The following TBC1D32 variants were observed in gnomAD, a reference collection of about 807,000 sequenced individuals.
The protein encoded by TBC1D32 is TBC1 domain family member 32.
TBC1D32 carries 151 observed loss-of-function variants against 170.3 expected under a neutral mutation model. That is an observed-to-expected ratio of 0.89 (90% CI 0.78 to 1.01). The LOEUF (loss-of-function observed/expected upper bound fraction) is 1.01. Ranked by LOEUF, TBC1D32 falls within the 50% of genes least tolerant of loss-of-function variation. The pLI is 0.00. For missense variants in TBC1D32, 1,464 were observed against 1,457.1 expected (o/e 1.00, Z -0.08); for synonymous variants, 498 against 488.0 (o/e 1.02, Z -0.27).
chr6:121,294,719 AAAG>A (rs1805362305), intron 10 of TBC1D32, 59 bp from the exon 11 acceptor site: 2 of 1,284,766 alleles, frequency 1.6e-6, no homozygotes, highest in African/African-American at 3.0e-5. Flanking sequence ...CCAAGAATTA[AAAG>A]AAATTAGTCA....
intron 31 of TBC1D32, among the ~76,000 whole-genome samples, chr6:121,087,835 T>C (rs1034297056): frequency 6.6e-6 from 1 of 152,204 alleles, no homozygotes; most frequent in Non-Finnish European, 1.5e-5. Flanking sequence ...TGTTTTACTT[T>C]ATCTTCATTC....
intron 1 of TBC1D32, among the ~76,000 whole-genome samples, chr6:121,333,390 C>T (rs1209060984): frequency 1.3e-5 from 2 of 152,152 alleles, no homozygotes; most frequent in Admixed American, 6.5e-5. Context: ...TCCTACTGCT[C>T]CCACACGCAG....
intron 12 of TBC1D32, among the ~76,000 whole-genome samples, chr6:121,289,790 C>T (rs1167066164): frequency 2.5e-5 from 2 of 80,804 alleles, no homozygotes; most frequent in Non-Finnish European, 8.7e-5. Flanking sequence ...GGTACTGGTA[C>T]CAAAACAGAG....
intron 19 of TBC1D32, among the ~76,000 whole-genome samples, chr6:121,241,155 T>C (rs1419549387): frequency 2.0e-5 from 3 of 152,158 alleles, no homozygotes; most frequent in African/African-American, 4.8e-5. Context: ...GATATTCTTC[T>C]GATTTATAAG....
intron 21 of TBC1D32, among the ~76,000 whole-genome samples, chr6:121,207,573 C>T (rs9372647): frequency 0.71 from 108,202 of 152,044 alleles, 42,322 homozygotes; most frequent in Non-Finnish European, 0.87. Flanking sequence ...TGGGAAGCCT[C>T]ATGGAGAGCT....
chr6:121,155,421 G>A (rs1315649793), intron 24 of TBC1D32, among the ~76,000 whole-genome samples: 1 of 152,020 alleles, frequency 6.6e-6, no homozygotes, highest in African/African-American at 2.4e-5. Context: ...GGTTTTCTAT[G>A]TATAGAATTG....
chr6:121,184,069 G>C (rs1440387655), intron 22 of TBC1D32, among the ~76,000 whole-genome samples: 4 of 152,024 alleles, frequency 2.6e-5, no homozygotes, highest in Admixed American at 6.6e-5. Flanking sequence ...CTTCACAAGA[G>C]TGAATCAACA....
At chr6:121,161,145 GGCAA>G in intron 22 of TBC1D32, 89 bp from the exon 23 acceptor site, 1 of 990,730 alleles carries the variant, frequency 1.0e-6, no homozygotes, top group Non-Finnish European at 1.5e-6. Context: ...AAAGAAAAAA[GGCAA>G]AAATATTTAT....
chr6:121,094,864 G>C (rs530454331), intron 30 of TBC1D32, among the ~76,000 whole-genome samples: 2 of 152,016 alleles, frequency 1.3e-5, no homozygotes, highest in African/African-American at 4.8e-5. Context: ...TTGTGGATAC[G>C]TATTTTCAAA....
chr6:121,301,339 AT>A (rs1306523137), intron 9 of TBC1D32, among the ~76,000 whole-genome samples: 1 of 152,218 alleles, frequency 6.6e-6, no homozygotes, highest in Non-Finnish European at 1.5e-5. Flanking sequence ...CATAAACACC[AT>A]GGAATACTAC....
intron 10 of TBC1D32, among the ~76,000 whole-genome samples, chr6:121,296,213 A>T (rs1001299365): frequency 6.6e-6 from 1 of 152,304 alleles, no homozygotes; most frequent in East Asian, 1.9e-4. Flanking sequence ...CATATCTTCC[A>T]TACTTCACTC....
chr6:121,259,915 C>G (rs1325473393), intron 15 of TBC1D32, among the ~76,000 whole-genome samples: 1 of 152,116 alleles, frequency 6.6e-6, no homozygotes, highest in Non-Finnish European at 1.5e-5. Context: ...GTAGGCAGAG[C>G]TCAAGAAATA....
At chr6:121,248,356 C>G (rs933224649) in intron 17 of TBC1D32, among the ~76,000 whole-genome samples, 8 of 151,882 alleles carry the variant, frequency 5.3e-5, no homozygotes, top group African/African-American at 1.7e-4. Flanking sequence ...ATGCCTACAT[C>G]AAAAAGTCTG....
chr6:121,287,182 G>C (rs1458448170), intron 12 of TBC1D32, among the ~76,000 whole-genome samples: 2 of 152,136 alleles, frequency 1.3e-5, no homozygotes, highest in Non-Finnish European at 2.9e-5. Flanking sequence ...TGGGCTAAAT[G>C]CTCCAATTAA....
At chr6:121,169,393 C>T (rs1355550255) in intron 22 of TBC1D32, among the ~76,000 whole-genome samples, 4 of 152,058 alleles carry the variant, frequency 2.6e-5, no homozygotes, top group African/African-American at 7.2e-5. Context: ...TGGACCCCCT[C>T]CTTATACCAT....
intron 15 of TBC1D32, among the ~76,000 whole-genome samples, chr6:121,272,891 A>C (rs1246128198): frequency 2.0e-5 from 3 of 152,246 alleles, no homozygotes; most frequent in Non-Finnish European, 2.9e-5. Context: ...TGGATGAAGA[A>C]AATGTGGCAC....
At chr6:121,230,175 A>T (rs1206011149) in intron 20 of TBC1D32, among the ~76,000 whole-genome samples, 1 of 152,152 alleles carries the variant, frequency 6.6e-6, no homozygotes, top group African/African-American at 2.4e-5. Flanking sequence ...TTTATTAAAC[A>T]AGTTTCAAGA....
intron 24 of TBC1D32, among the ~76,000 whole-genome samples, chr6:121,159,186 A>T (rs73768931): frequency 3.9e-5 from 6 of 152,300 alleles, no homozygotes; most frequent in African/African-American, 1.4e-4. Context: ...CAGGCTATAC[A>T]TTTTTCTATT....
chr6:121,273,730 T>C (rs915518677), intron 15 of TBC1D32, among the ~76,000 whole-genome samples: 10 of 152,042 alleles, frequency 6.6e-5, no homozygotes, highest in African/African-American at 2.2e-4. Flanking sequence ...CTGTACATAG[T>C]GAACTATAAC....
Sources: gnomAD v4.1 joint callset for allele counts (sites outside exome capture counted in the v4.1 genomes callset) on GRCh38, gnomAD v4.1.1 for gene constraint, MANE v1.5 for transcripts, NCBI Gene and HGNC (gene_info 2026-07-23, HGNC 2026-07-21) for gene names.